The following DBR1 variants were observed in gnomAD, a reference collection of about 807,000 sequenced individuals.
DBR1 encodes lariat debranching enzyme.
DBR1 carries 33 observed loss-of-function variants against 45.9 expected under a neutral mutation model. The ratio of observed to expected loss-of-function variants is 0.72; its 90% CI spans 0.55 to 0.96. DBR1 has a LOEUF of 0.96. Among genes scored for constraint, DBR1 ranks in the 40% least tolerant of loss-of-function variants. The probability of loss-of-function intolerance (pLI) is 0.00; values close to 1 mark genes in which losing one functional copy is unlikely to be tolerated. For missense variants in DBR1, 619 were observed against 667.4 expected (o/e 0.93, Z 0.80); for synonymous variants, 235 against 235.9 (o/e 1.00, Z 0.04).
intron 5 of DBR1, among the ~76,000 whole-genome samples, chr3:138,164,974 A>T (rs1466501834): frequency 1.3e-5 from 2 of 151,602 alleles, no homozygotes; most frequent in Non-Finnish European, 2.9e-5. Flanking sequence ...TGTAAATTAT[A>T]CTCCAATAAA....
chr3:138,173,729 A>C, intron 1 of DBR1, 103 bp from the exon 2 acceptor site: 2 of 1,349,530 alleles, frequency 1.5e-6, no homozygotes, highest in Non-Finnish European at 2.0e-6. Flanking sequence ...AAAAGTTAAA[A>C]AGCTCTTTCA....
rs146690949 is a variant in DBR1 at position 138,162,478 on chromosome 3, T to C, written c.1046A>G (p.Asp349Gly). 8.8e-4 allele frequency: 1,416 copies of C among 1,614,046 alleles called. 1 individual carries two copies. Among genetic ancestry groups the C allele is most frequent in the Non-Finnish European group, 1.1e-3 (1,282 of 1,180,034 alleles). Residue 349 changes from aspartate (D) to glycine (G), a missense_variant, in exon 8 of 8, where the codon GAT becomes GGT. Around this residue, in one of 3 missense-constraint regions of DBR1, gnomAD observed 430 missense variants for 447.7 expected, o/e 0.96. Transcript: ENST00000260803. Reference protein sequence around the residue: ...CNFSVTAACYDPSKPQTQMQL... With the variant: ...CNFSVTAACYGPSKPQTQMQL... Reference sequence around the variant, plus strand: ...CATTTGTGTCTGTGGCTTGCTAGGATCATAACAAGCAGCTGTTACACTAAA... The same window carrying C: ...CATTTGTGTCTGTGGCTTGCTAGGACCATAACAAGCAGCTGTTACACTAAA...
intron 7 of DBR1, 25 bp downstream of exon 7, chr3:138,163,324 A>T: frequency 1.2e-6 from 2 of 1,605,482 alleles, no homozygotes; most frequent in Non-Finnish European, 1.7e-6. Context: ...TGGAAAAAGC[A>T]GGTCCTAAAT....
intron 7 of DBR1, 136 bp downstream of exon 7, chr3:138,163,206 GCCAAGAT>G: frequency 1.3e-6 from 1 of 789,748 alleles, no homozygotes; most frequent in Non-Finnish European, 1.9e-6. Context: ...GATGCAGTGA[GCCAAGAT>G]CCAAGATCAC....
chr3:138,163,710 G>C, intron 6 of DBR1, 68 bp downstream of exon 6: 1 of 1,213,762 alleles, frequency 8.2e-7, no homozygotes, highest in Non-Finnish European at 1.1e-6. Flanking sequence ...ATTCCGAAAG[G>C]AAAATTATAT....
At chr3:138,173,048 G>A (rs900358114) in intron 2 of DBR1, among the ~76,000 whole-genome samples, 3 of 149,924 alleles carry the variant, frequency 2.0e-5, no homozygotes, top group Admixed American at 6.7e-5. Context: ...ATAATCTAAC[G>A]GTTGGACTTG....
At chr3:138,167,041 AGT>A (rs753248117) in intron 5 of DBR1, 38 bp downstream of exon 5, 1 of 1,550,492 alleles carries the variant, frequency 6.4e-7, no homozygotes. Flanking sequence ...GATGTTCAAT[AGT>A]GTGTGTTAAA....
At chr3:138,169,575 T>C (rs796381783) in intron 4 of DBR1, among the ~76,000 whole-genome samples, 29 of 152,200 alleles carry the variant, frequency 1.9e-4, no homozygotes, top group African/African-American at 6.8e-4. Context: ...TTAACCTAAG[T>C]AATATTTGAA....
chr3:138,173,659 T>C, intron 1 of DBR1, 33 bp from the exon 2 acceptor site: 2 of 1,582,496 alleles, frequency 1.3e-6, no homozygotes, highest in East Asian at 2.3e-5. Context: ...GTTACCACAA[T>C]TAGGCATAGC....
Position 138,174,726 on chromosome 3 carries a change from C to G in DBR1, c.70G>C (p.Glu24Gln), listed in dbSNP as rs1192486126. Residue 24 changes from glutamate (E) to glutamine (Q), a missense_variant, in exon 1 of 8, where the codon GAG becomes CAG. Coordinates refer to ENST00000260803, the MANE Select transcript of DBR1 (RefSeq NM_016216.4). Reference protein sequence around the residue: ...DKIYETLALAERRGPGPVDLL... With the variant: ...DKIYETLALAQRRGPGPVDLL... ...TCGACAGGCCCCGGGCCGCGCCGCT[C>G]TGCCAGCGCCAGCGTCTCATAGATC... The G allele has an allele frequency of 6.2e-7, 1 of 1,612,648 alleles. No individual in the cohort carries two copies. The highest frequency in any genetic ancestry group is 8.5e-7 in the Non-Finnish European group (1 of 1,179,696).
In DBR1 at chr3:138,161,595, C is replaced by A; in HGVS notation, c.*294G>T. ...GCACAGTGGCTCACGCCTGTAATCCCAGCACTTTAGAAGGCCAAGACAGGT... is the reference window on the plus strand; with the variant it reads ...GCACAGTGGCTCACGCCTGTAATCCAAGCACTTTAGAAGGCCAAGACAGGT... On this transcript the variant is annotated 3_prime_UTR_variant, in exon 8 of 8. Coordinates refer to ENST00000260803, the MANE Select transcript of DBR1 (RefSeq NM_016216.4). The A allele has an allele frequency of 3.3e-6, 1 of 301,724 alleles. No homozygotes were observed. The highest frequency in any genetic ancestry group is 6.3e-6 in the Non-Finnish European group (1 of 158,712). 18.7% of individuals were successfully genotyped at this position (301,724 alleles called of 1,614,324 possible). A position where few individuals can be genotyped will look rare whatever the true frequency, so the allele number is the denominator to read the frequency against.
In DBR1 at chr3:138,167,157, A is replaced by G; in HGVS notation, c.638T>C (p.Leu213Pro). ...NTLGSPAASE[L>P]LEHLKPTYWF... is the part of the protein sequence containing the mutation. ...ATAAGTAGGTTTGAGATGCTCTAAA[A>G]GCTCTGAGGCAGCTGGACTTCCTAA... The change falls in exon 5 of 8, where the codon CTT becomes CCT. Residue 213 changes from leucine to proline, a missense_variant. Around this residue, in one of 3 missense-constraint regions of DBR1, gnomAD observed 430 missense variants for 447.7 expected, o/e 0.96. Transcript: ENST00000260803. The G allele has an allele frequency of 6.2e-7, 1 of 1,614,168 alleles. No individual in the cohort carries two copies. The highest frequency in any genetic ancestry group is 8.5e-7 in the Non-Finnish European group (1 of 1,180,014).
At chr3:138,174,551 CCAGT>C in intron 1 of DBR1, 44 bp downstream of exon 1, 1 of 1,508,544 alleles carries the variant, frequency 6.6e-7, no homozygotes, top group Non-Finnish European at 9.0e-7. Flanking sequence ...CAGAGGGAAC[CCAGT>C]CCCACCCCCC....
intron 5 of DBR1, 50 bp downstream of exon 5, chr3:138,167,031 G>T: frequency 6.6e-7 from 1 of 1,515,964 alleles, no homozygotes. Context: ...CTGGTCCATA[G>T]ATGTTCAATA....
chr3:138,168,964 A>G (rs1262083305), intron 4 of DBR1, among the ~76,000 whole-genome samples: 1 of 148,318 alleles, frequency 6.7e-6, no homozygotes, highest in Non-Finnish European at 1.5e-5. Context: ...CCTTGTCTCA[A>G]AAAAAAAAAA....
intron 3 of DBR1, among the ~76,000 whole-genome samples, chr3:138,170,405 C>T (rs2107905395): frequency 6.6e-6 from 1 of 152,306 alleles, no homozygotes; most frequent in East Asian, 1.9e-4. Flanking sequence ...AGGTCCCACA[C>T]ATGGTTGCTG....
At chr3:138,172,048 A>G (rs1009899505) in intron 2 of DBR1, among the ~76,000 whole-genome samples, 10 of 152,200 alleles carry the variant, frequency 6.6e-5, no homozygotes, top group African/African-American at 2.4e-4. Flanking sequence ...AAAATGTCCT[A>G]TGATGGATTT....
chr3:138,169,612 C>G (rs1222093102), intron 4 of DBR1, among the ~76,000 whole-genome samples: 1 of 152,000 alleles, frequency 6.6e-6, no homozygotes, highest in Non-Finnish European at 1.5e-5. Flanking sequence ...TTCATTCTTA[C>G]TAAAATAAAC....
intron 4 of DBR1, among the ~76,000 whole-genome samples, chr3:138,169,489 T>C (rs1389928997): frequency 1.3e-5 from 2 of 152,228 alleles, no homozygotes; most frequent in African/African-American, 2.4e-5. Flanking sequence ...AAATAAAATG[T>C]TTATTTCAAT....
Sources: allele counts gnomAD v4.1 joint callset (sites outside exome capture counted in the v4.1 genomes callset), GRCh38; gene constraint gnomAD v4.1.1; regional missense constraint gnomAD v4.1.1; transcripts MANE v1.5; gene names NCBI Gene and HGNC (gene_info 2026-07-23, HGNC 2026-07-21).